Variants in CFAP46 observed in about 807,000 individuals in gnomAD.
CFAP46 encodes the protein cilia- and flagella-associated protein 46.
Under a neutral mutation model 325.7 loss-of-function variants are expected in CFAP46, and 245 were observed. That is an observed-to-expected ratio of 0.75 (90% CI 0.68 to 0.84). The LOEUF is 0.84. Among genes scored for constraint, CFAP46 ranks in the 40% least tolerant of loss-of-function variants. The pLI, the probability that CFAP46 is intolerant of heterozygous loss-of-function variation, is 0.00. For missense variants in CFAP46, 3,346 were observed against 3,543.0 expected, an observed-to-expected ratio of 0.94 and a Z score of 1.41; for synonymous variants, 1,523 against 1,495.9, an observed-to-expected ratio of 1.02 and a Z score of -0.42.
At position 132,941,640 on chromosome 10, in the gene CFAP46, G is replaced by A. The variant is rs773975328; in HGVS notation, c.257C>T (p.Ala86Val). The A allele has an allele frequency of 1.2e-6, 2 of 1,613,980 alleles. No homozygotes were observed. Among genetic ancestry groups the A allele is most frequent in the African/African-American group, 1.3e-5 (1 of 75,060 alleles). Reference protein sequence around the residue: ...KAPITQFLGRAHLCRAQMCAP... With the variant: ...KAPITQFLGRVHLCRAQMCAP... ...ACACATCTGGGCCCTGCACAGGTGC[G>A]CTCGGCCCAGAAACTGGGTGATGGG... Residue 86 changes from alanine (A) to valine (V), a missense_variant, in exon 3 of 58, where the codon GCG becomes GTG. Physicochemically the swap from Ala to Val is moderately conservative, Grantham distance 64 (BLOSUM62 0). Coordinates refer to ENST00000368586, the MANE Select transcript of CFAP46 (RefSeq NM_001200049.3).
chr10:132,885,433 C>T (rs567181655), intron 26 of CFAP46, 147 bp from the exon 27 acceptor site: 14 of 686,278 alleles, frequency 2.0e-5, no homozygotes, highest in South Asian at 6.3e-5. Flanking sequence ...CTCGGGGCTA[C>T]GCGGGGGTCT....
chr10:132,875,839 A>G (rs1350376203), intron 31 of CFAP46, among the ~76,000 whole-genome samples: 1 of 152,190 alleles, frequency 6.6e-6, no homozygotes, highest in African/African-American at 2.4e-5. Context: ...CACACAAAAA[A>G]CTGACTAATT....
chr10:132,860,681 C>A, intron 36 of CFAP46, 101 bp downstream of exon 36: 1 of 1,333,730 alleles, frequency 7.5e-7, no homozygotes, highest in South Asian at 1.4e-5. Context: ...CCAGGCGTGT[C>A]ATCAGCGGTC....
At chr10:132,812,614 C>T (rs536619369) in intron 55 of CFAP46, among the ~76,000 whole-genome samples, 171 bp downstream of exon 55, 201 of 150,478 alleles carry the variant, frequency 1.3e-3, no homozygotes, top group African/African-American at 4.4e-3. Flanking sequence ...GGGTAGAGGT[C>T]GTCCACCTGC....
intron 9 of CFAP46, among the ~76,000 whole-genome samples, chr10:132,928,228 G>T (rs1195623955): frequency 6.6e-6 from 1 of 152,248 alleles, no homozygotes; most frequent in Admixed American, 6.5e-5. Flanking sequence ...GAGGCACAGG[G>T]AGCTGAAGGA....
rs573509145 is a variant in CFAP46 at position 132,908,759 on chromosome 10, C to T, written c.2758-125G>A. On this transcript the variant is annotated intron_variant, in intron 21 of 57. Coordinates refer to ENST00000368586, the MANE Select transcript of CFAP46 (RefSeq NM_001200049.3). ...AGAGGCGTGGCCTGTGAAGGGCCACCGTGCCACAAAAGCTGAGCTGCCACG... is the reference window on the plus strand; with the variant it reads ...AGAGGCGTGGCCTGTGAAGGGCCACTGTGCCACAAAAGCTGAGCTGCCACG... 162 of 1,243,324 alleles carry T rather than the reference C, an allele frequency of 1.3e-4. No homozygotes were observed. The African/African-American group carries it at 1.7e-3, about 13-fold the overall frequency. 77.0% of individuals were successfully genotyped at this position (1,243,324 alleles called of 1,614,324 possible).
chr10:132,927,029 G>A (rs944316150), intron 9 of CFAP46, among the ~76,000 whole-genome samples: 20 of 152,174 alleles, frequency 1.3e-4, no homozygotes, highest in South Asian at 2.1e-4. Flanking sequence ...ACGTCACACC[G>A]GGAAGAAGGG....
At chr10:132,905,441 A>C (rs368547814) in intron 22 of CFAP46, among the ~76,000 whole-genome samples, 1 of 135,882 alleles carries the variant, frequency 7.4e-6, no homozygotes, top group African/African-American at 2.9e-5. Flanking sequence ...AGCATCCCAC[A>C]TATCTTTCCT....
chr10:132,847,709 G>C lies in CFAP46; in HGVS notation c.5953-388C>G, dbSNP rs1405364517. Among the ~76,000 whole-genome samples, 1 of 152,124 alleles carries C rather than the reference G, an allele frequency of 6.6e-6. No individual in the cohort carries two copies. Among genetic ancestry groups the C allele is most frequent in the Non-Finnish European group, 1.5e-5 (1 of 68,016 alleles). ...AGCACTGAGGCTGAGGCATCCACCA[G>C]CCCTCAGGGGCCCCTGATCTGGCTG... On this transcript the variant is annotated intron_variant, in intron 41 of 57. Transcript: ENST00000368586. This position sits in a 1 kb window ranked among gnomAD's most constrained non-coding sequence, Gnocchi z 5.2.
chr10:132,880,963 A>G lies in CFAP46; in HGVS notation c.3697T>C (p.Phe1233Leu), dbSNP rs907660513. The G allele has an allele frequency of 6.5e-7, 1 of 1,550,374 alleles. No homozygotes were observed. The highest frequency in any genetic ancestry group is 1.4e-5 in the African/African-American group (1 of 73,030). Residue 1233 changes from phenylalanine (F) to leucine (L), a missense_variant, in exon 28 of 58, where the codon TTT (phenylalanine) becomes CTT (leucine). By Grantham distance (22) the Phe-to-Leu change is conservative (BLOSUM62 0). Transcript: ENST00000368586. ...TGGAAGACCACGTCCTCGAGAGGAA[A>G]GTGTCTGTGATGGAGCCACTGGCCG... ...EFGQWLHHRH[F>L]PLEDVVFHLR...
At chr10:132,840,943 G>A (rs542518263) in intron 44 of CFAP46, among the ~76,000 whole-genome samples, 87 of 152,308 alleles carry the variant, frequency 5.7e-4, no homozygotes, top group Non-Finnish European at 7.5e-4. Flanking sequence ...ATTCCGTGGC[G>A]AGGGGGCTGA....
intron 11 of CFAP46, among the ~76,000 whole-genome samples, chr10:132,923,636 C>A (rs1246351332): frequency 6.6e-6 from 1 of 152,192 alleles, no homozygotes; most frequent in Non-Finnish European, 1.5e-5. Flanking sequence ...GTGACAGGAG[C>A]CTGCGTTTGA....
chr10:132,888,927 G>A (rs1487942228), intron 25 of CFAP46, among the ~76,000 whole-genome samples: 2 of 147,106 alleles, frequency 1.4e-5, no homozygotes, highest in African/African-American at 5.0e-5. Context: ...ACCCCCACTG[G>A]CCCTGCTGTG....
chr10:132,912,165 TCTCTCTCCTC>T (rs1849550315), intron 19 of CFAP46, among the ~76,000 whole-genome samples: 2 of 109,542 alleles, frequency 1.8e-5, no homozygotes, highest in African/African-American at 7.1e-5. Context: ...CTCTCTCTCT[TCTCTCTCCTC>T]CTCTCTCCTG....
chr10:132,887,956 G>A (rs116063176), intron 25 of CFAP46, among the ~76,000 whole-genome samples: 1 of 21,100 alleles, frequency 4.7e-5, no homozygotes, highest in Non-Finnish European at 7.5e-5. Context: ...CTCTCTCTCC[G>A]CTCCTCTCTC....
chr10:132,809,346 C>A (rs928595339), intron 57 of CFAP46, among the ~76,000 whole-genome samples: 2 of 152,232 alleles, frequency 1.3e-5, no homozygotes, highest in Non-Finnish European at 2.9e-5. Context: ...CTGGCTCTGC[C>A]CTTCCCCGAT....
Position 132,860,858 on chromosome 10 carries a change from T to C in CFAP46, c.5015A>G (p.Glu1672Gly). 6.4e-7 allele frequency: 1 copy of C among 1,551,048 alleles called. No homozygotes were observed. Among genetic ancestry groups the C allele is most frequent in the Non-Finnish European group, 8.7e-7 (1 of 1,147,082 alleles). Residue 1672 changes from glutamate (E) to glycine (G), a missense_variant, in exon 36 of 58, where the codon GAG becomes GGG. By Grantham distance (98) the Glu-to-Gly change is moderately conservative. Coordinates refer to ENST00000368586, the MANE Select transcript of CFAP46 (RefSeq NM_001200049.3). ...CAGAGTGGAATTGTACCAGAACTCCTCACTTCCGCCCAGGTGCTGGGCCTG... is the reference window on the plus strand; with the variant it reads ...CAGAGTGGAATTGTACCAGAACTCCCCACTTCCGCCCAGGTGCTGGGCCTG... ...IAQAQHLGGS[E>G]EFWYNSTLTL...
At chr10:132,875,647 G>A (rs1371666731) in intron 31 of CFAP46, among the ~76,000 whole-genome samples, 1 of 152,200 alleles carries the variant, frequency 6.6e-6, no homozygotes, top group African/African-American at 2.4e-5. Context: ...AGGAAGTGGT[G>A]TCAGAACAAT....
At chr10:132,816,457 G>A (rs1296457056) in intron 50 of CFAP46, among the ~76,000 whole-genome samples, 11 of 149,026 alleles carry the variant, frequency 7.4e-5, no homozygotes, top group South Asian at 4.3e-4. Context: ...TCAGCCTCCC[G>A]AGTAGCTGGG....
Sources: allele counts gnomAD v4.1 joint callset (sites outside exome capture counted in the v4.1 genomes callset), GRCh38; gene constraint gnomAD v4.1.1; non-coding constraint Gnocchi (gnomAD v3.1); transcripts MANE v1.5; gene names NCBI Gene and HGNC (gene_info 2026-07-23, HGNC 2026-07-21).